The following SUGP2 variants were observed in gnomAD, a reference collection of about 807,000 sequenced individuals.
SUGP2 encodes the protein SURP and G-patch domain-containing protein 2.
In SUGP2, 24 loss-of-function variants were observed where a neutral mutation model predicts 90.5. The observed-to-expected ratio is 0.27, with a 90% CI of 0.19 to 0.37. The LOEUF (loss-of-function observed/expected upper bound fraction) is 0.37, where lower values mean the gene tolerates loss of function less well. Ranked by LOEUF, SUGP2 falls within the 10% of genes least tolerant of loss-of-function variation. The pLI is 1.00. For missense variants in SUGP2, 1,233 were observed against 1,363.3 expected (o/e 0.90, Z 1.51); for synonymous variants, 473 against 513.4 (o/e 0.92, Z 1.06).
intron 4 of SUGP2, among the ~76,000 whole-genome samples, chr19:19,017,166 C>G (rs917033534): frequency 6.6e-6 from 1 of 152,174 alleles, no homozygotes; most frequent in South Asian, 2.1e-4. Context: ...GCCTGGGCAA[C>G]AGAGTGAGAT....
chr19:19,029,335 C>T (rs1430319961), intron 2 of SUGP2, among the ~76,000 whole-genome samples: 1 of 151,482 alleles, frequency 6.6e-6, no homozygotes, highest in African/African-American at 2.4e-5. Flanking sequence ...AGGGTTTCAC[C>T]GTGTTAGCCA....
At chr19:19,007,113 T>C (rs182437216) in intron 6 of SUGP2, among the ~76,000 whole-genome samples, 22 of 152,258 alleles carry the variant, frequency 1.4e-4, no homozygotes, top group African/African-American at 5.1e-4. Context: ...AGGGGACATC[T>C]CATGTCACCC....
intron 6 of SUGP2, among the ~76,000 whole-genome samples, chr19:19,007,647 G>A (rs1236826293): frequency 1.3e-5 from 2 of 151,334 alleles, no homozygotes; most frequent in African/African-American, 2.4e-5. Flanking sequence ...GTATAGAGAC[G>A]GGGTTTCACT....
chr19:19,019,308 G>C (rs1490762247), intron 3 of SUGP2, 79 bp from the exon 4 acceptor site: 1 of 1,511,504 alleles, frequency 6.6e-7, no homozygotes, highest in East Asian at 2.3e-5. Flanking sequence ...GAGTAGTTGG[G>C]GGCTTAGTGC....
intron 4 of SUGP2, among the ~76,000 whole-genome samples, chr19:19,013,931 C>A (rs1233732611): frequency 6.6e-6 from 1 of 152,218 alleles, no homozygotes; most frequent in Non-Finnish European, 1.5e-5. Context: ...CGGAAGCCTG[C>A]CCCTTGGTGT....
At chr19:19,007,698 C>T (rs1005342502) in intron 6 of SUGP2, among the ~76,000 whole-genome samples, 2 of 151,314 alleles carry the variant, frequency 1.3e-5, no homozygotes, top group Admixed American at 1.3e-4. Flanking sequence ...CCTCATGATC[C>T]ACCCGCCTCA....
intron 4 of SUGP2, among the ~76,000 whole-genome samples, chr19:19,014,862 G>A (rs917768964): frequency 1.3e-5 from 2 of 151,866 alleles, no homozygotes; most frequent in Admixed American, 1.3e-4. Flanking sequence ...CAATGGTCAT[G>A]CATAAAACTG....
At chr19:19,026,253 A>AG (rs993405552) in intron 2 of SUGP2, 27 bp from the exon 3 acceptor site, 2 of 1,490,222 alleles carry the variant, frequency 1.3e-6, no homozygotes, top group African/African-American at 2.8e-5. Flanking sequence ...AAAAAAAAAA[A>AG]AGAAGAAGCC....
intron 4 of SUGP2, among the ~76,000 whole-genome samples, chr19:19,015,204 AAAATAAATAAATAAATAAAT>A (rs140520431): frequency 6.8e-6 from 1 of 146,522 alleles, no homozygotes; most frequent in Admixed American, 6.9e-5. Context: ...TCTGTCTCAA[AAAATAAATAAATAAATAAAT>A]AAATAAATAA....
upstream of SUGP2, chr19:19,033,582 G>A: frequency 8.3e-7 from 1 of 1,202,490 alleles, no homozygotes; most frequent in East Asian, 3.6e-5. Flanking sequence ...GCCGAGTCCT[G>A]GTGCGCAGGC....
chr19:19,008,330 T>A lies in SUGP2; in HGVS notation c.2437A>T (p.Asn813Tyr). 6.2e-7 allele frequency: 1 copy of A among 1,614,044 alleles called. No individual in the cohort carries two copies. Among genetic ancestry groups the A allele is most frequent in the Non-Finnish European group, 8.5e-7 (1 of 1,179,920 alleles). ...GGGGGTACGTACCACAGGTCAGGGT[T>A]ATCGGTGCTGTTTTCTATGCTGAAT... ...EQFSIENSTD[N>Y]PDLWFLHDQN... The change falls in exon 6 of 11, where the codon AAC becomes TAC. Residue 813 changes from asparagine to tyrosine, a missense_variant. Asn to Tyr is a moderately radical substitution (Grantham distance 143). Transcript: ENST00000452918.
At chr19:19,017,360 GT>G (rs2058538246) in intron 4 of SUGP2, among the ~76,000 whole-genome samples, 1 of 152,336 alleles carries the variant, frequency 6.6e-6, no homozygotes, top group South Asian at 2.1e-4. Flanking sequence ...ATTCTGGGTT[GT>G]TACTAGTGAG....
rs35875282 is a variant in SUGP2 at position 18,997,782 on chromosome 19, CAAAAAAAAAAAAA to C, written c.2992-2515_2992-2503del. Among the ~76,000 whole-genome samples the C allele has an allele frequency of 5.7e-5, 5 of 88,288 alleles. No homozygotes were observed. The East Asian group carries it at 1.7e-3, about 30-fold the overall frequency. 57.9% of individuals were successfully genotyped at this position (88,288 alleles called of 152,430 possible). On this transcript the variant is annotated intron_variant, in intron 8 of 10. Coordinates refer to ENST00000452918, the MANE Select transcript of SUGP2 (RefSeq NM_001017392.5). ...TTGGCGACAAAGGGAGACTCCGTCT[CAAAAAAAAAAAAA>C]AAAAAAAAGAAAGAAAGAAAGAAAG...
chr19:19,028,842 G>A (rs551145075), intron 2 of SUGP2, among the ~76,000 whole-genome samples: 46 of 152,112 alleles, frequency 3.0e-4, no homozygotes, highest in African/African-American at 7.7e-4. Context: ...GGGATTATAG[G>A]GGCCTGCCAC....
chr19:19,024,208 C>T (rs1202980623), intron 3 of SUGP2, among the ~76,000 whole-genome samples: 1 of 152,120 alleles, frequency 6.6e-6, no homozygotes, highest in East Asian at 1.9e-4. Context: ...CTCCCAGGTC[C>T]AAGTGGATTC....
At chr19:19,024,236 G>C (rs536311697) in intron 3 of SUGP2, among the ~76,000 whole-genome samples, 1 of 151,998 alleles carries the variant, frequency 6.6e-6, no homozygotes, top group Admixed American at 6.6e-5. Flanking sequence ...TCAGCCTCCC[G>C]AGTAGCTGGG....
intron 4 of SUGP2, among the ~76,000 whole-genome samples, chr19:19,018,197 T>C (rs1568432572): frequency 1.3e-5 from 2 of 151,992 alleles, no homozygotes; most frequent in Admixed American, 6.6e-5. Flanking sequence ...ACCTGCCTCA[T>C]GTCGTGCACC....
Position 18,992,238 on chromosome 19 carries a change from G to A in SUGP2, c.*1503C>T, listed in dbSNP as rs2057392946. 1.3e-5 allele frequency: 2 copies of A among 151,004 alleles called. No homozygotes were observed. The highest frequency in any genetic ancestry group is 4.2e-4 in the South Asian group (2 of 4,772). 9.4% of individuals were successfully genotyped at this position (151,004 alleles called of 1,614,324 possible). A position where few individuals can be genotyped will look rare whatever the true frequency, so the allele number is the denominator to read the frequency against. ...GCTAATTTTTTGCATTTTTAGTAGA[G>A]ACAGGGTTTCACCATGTTGGCCAGG... On this transcript the variant is annotated 3_prime_UTR_variant, in exon 11 of 11. Transcript: ENST00000452918.
intron 6 of SUGP2, among the ~76,000 whole-genome samples, chr19:19,005,869 ACACACACACACACACACACACAC>A (rs1006203514): frequency 4.0e-3 from 78 of 19,292 alleles, no homozygotes; most frequent in East Asian, 0.017. Flanking sequence ...ACACACACAC[ACACACACACACACACACACACAC>A]CACACACACA....
Sources: allele counts gnomAD v4.1 joint callset (sites outside exome capture counted in the v4.1 genomes callset), GRCh38; gene constraint gnomAD v4.1.1; transcripts MANE v1.5; gene names NCBI Gene and HGNC (gene_info 2026-07-23, HGNC 2026-07-21).